Variants in CDC14A observed in about 807,000 individuals in gnomAD.
CDC14A encodes dual specificity protein phosphatase CDC14A.
In CDC14A, 53 loss-of-function variants were observed where a neutral mutation model predicts 74.4. The observed-to-expected ratio is 0.71, with a 90% CI of 0.57 to 0.89. The LOEUF (loss-of-function observed/expected upper bound fraction) is 0.89, where lower values mean the gene tolerates loss of function less well. CDC14A is among the 40% of genes least tolerant of loss of function. The pLI is 0.00. For synonymous variants in CDC14A, 247 were observed against 258.4 expected, an observed-to-expected ratio of 0.96 and a Z score of 0.43; for missense variants, 646 against 713.7, an observed-to-expected ratio of 0.91 and a Z score of 1.08.
chr1:100,479,816 G>C (rs1428339099), intron 10 of CDC14A, among the ~76,000 whole-genome samples: 1 of 152,070 alleles, frequency 6.6e-6, no homozygotes. Flanking sequence ...GTTGATACTG[G>C]AACTACTGAC....
At chr1:100,362,719 T>G (rs1652930749) in intron 2 of CDC14A, among the ~76,000 whole-genome samples, 1 of 152,248 alleles carries the variant, frequency 6.6e-6, no homozygotes, top group South Asian at 2.1e-4. Context: ...CAAAGAATTT[T>G]ATGTGGATTG....
intron 4 of CDC14A, among the ~76,000 whole-genome samples, chr1:100,410,484 C>A (rs2101036195): frequency 1.3e-5 from 2 of 149,974 alleles, no homozygotes; most frequent in Admixed American, 1.3e-4. Flanking sequence ...CCACGCCCAG[C>A]TAATTTTTGT....
At chr1:100,444,939 G>A (rs1056661239) in intron 7 of CDC14A, among the ~76,000 whole-genome samples, 6 of 152,000 alleles carry the variant, frequency 3.9e-5, no homozygotes, top group African/African-American at 1.4e-4. Context: ...AACCCAAAGA[G>A]AGTTTTTTTT....
intron 7 of CDC14A, among the ~76,000 whole-genome samples, chr1:100,450,685 C>A (rs1305925890): frequency 6.6e-6 from 1 of 152,204 alleles, no homozygotes; most frequent in Non-Finnish European, 1.5e-5. Context: ...ATCTGTTACA[C>A]CCATTGCTGG....
At chr1:100,469,424 C>T (rs1021416571) in intron 10 of CDC14A, among the ~76,000 whole-genome samples, 7 of 152,144 alleles carry the variant, frequency 4.6e-5, no homozygotes, top group African/African-American at 1.2e-4. Context: ...TCTTTTTACC[C>T]GTGAGGTACA....
chr1:100,492,577 T>C (rs545198718), intron 11 of CDC14A, among the ~76,000 whole-genome samples: 2 of 152,228 alleles, frequency 1.3e-5, no homozygotes, highest in East Asian at 3.8e-4. Flanking sequence ...ATTATTACTA[T>C]GTAAACATTG....
chr1:100,360,785 T>C (rs555777662), intron 2 of CDC14A, among the ~76,000 whole-genome samples: 1 of 152,288 alleles, frequency 6.6e-6, no homozygotes, highest in East Asian at 1.9e-4. Context: ...TATTACTCTG[T>C]TTTTTCAGTT....
chr1:100,440,745 G>A (rs1162131398), intron 6 of CDC14A, among the ~76,000 whole-genome samples: 3 of 151,978 alleles, frequency 2.0e-5, no homozygotes, highest in African/African-American at 7.3e-5. Flanking sequence ...AGCAATTCTA[G>A]TTCATTTCTT....
chr1:100,441,568 G>C (rs1390944009), intron 6 of CDC14A, among the ~76,000 whole-genome samples: 1 of 150,476 alleles, frequency 6.6e-6, no homozygotes, highest in African/African-American at 2.4e-5. Context: ...TGAAAATACA[G>C]AGGAAAAAAA....
At chr1:100,358,656 C>T (rs1201276412) in intron 2 of CDC14A, among the ~76,000 whole-genome samples, 1 of 152,122 alleles carries the variant, frequency 6.6e-6, no homozygotes, top group African/African-American at 2.4e-5. Context: ...AACTAATTAG[C>T]TAAATGGAAG....
At chr1:100,506,474 G>A (rs1649247890) in intron 15 of CDC14A, among the ~76,000 whole-genome samples, 1 of 152,164 alleles carries the variant, frequency 6.6e-6, no homozygotes, top group Non-Finnish European at 1.5e-5. Context: ...AAATTGTTAT[G>A]AGGTCAGCAT....
At chr1:100,446,275 A>G (rs976776065) in intron 7 of CDC14A, among the ~76,000 whole-genome samples, 1 of 152,198 alleles carries the variant, frequency 6.6e-6, no homozygotes, top group African/African-American at 2.4e-5. Flanking sequence ...AACAAAAAAC[A>G]AAAAAACCCC....
intron 15 of CDC14A, among the ~76,000 whole-genome samples, chr1:100,512,139 A>G (rs927417449): frequency 6.6e-6 from 1 of 151,750 alleles, no homozygotes. Context: ...AGCATTTGTG[A>G]CCCATCTAAA....
chr1:100,433,410 T>C (rs2101106190), intron 5 of CDC14A, among the ~76,000 whole-genome samples: 1 of 152,330 alleles, frequency 6.6e-6, no homozygotes, highest in South Asian at 2.1e-4. Flanking sequence ...GGGGATTCAG[T>C]TCAGTGCTTA....
At chr1:100,361,923 G>A (rs1332925895) in intron 2 of CDC14A, among the ~76,000 whole-genome samples, 1 of 152,194 alleles carries the variant, frequency 6.6e-6, no homozygotes, top group Non-Finnish European at 1.5e-5. Context: ...AGGCCAGATG[G>A]GGAGAGGCTG....
chr1:100,431,825 G>GTCCC (rs1663726034), intron 5 of CDC14A, among the ~76,000 whole-genome samples: 1 of 150,916 alleles, frequency 6.6e-6, no homozygotes, highest in East Asian at 1.9e-4. Context: ...GACAGAATGA[G>GTCCC]TCCCTGTCTC....
At chr1:100,476,550 C>T (rs974364614) in intron 10 of CDC14A, among the ~76,000 whole-genome samples, 2 of 151,778 alleles carry the variant, frequency 1.3e-5, no homozygotes, top group Non-Finnish European at 2.9e-5. Flanking sequence ...ACCACCATTT[C>T]GTTACTTAGG....
In CDC14A at chr1:100,409,714, G is replaced by A. The variant is rs563969225; in HGVS notation, c.310-14508G>A. Among the ~76,000 whole-genome samples, 6 of 152,270 alleles carry A rather than the reference G, an allele frequency of 3.9e-5. No individual in the cohort carries two copies. The South Asian group carries it at 1.2e-3, about 32-fold the overall frequency. ...ACATCCAGTCCTGCCCTTGACTCCTGTCACCAAGGTTGCAGTTGCAAGGCT... is the reference window on the plus strand; with the variant it reads ...ACATCCAGTCCTGCCCTTGACTCCTATCACCAAGGTTGCAGTTGCAAGGCT... On this transcript the variant is annotated intron_variant, in intron 4 of 15. Coordinates refer to ENST00000336454, the MANE Select transcript of CDC14A (RefSeq NM_003672.4).
At chr1:100,458,382 TC>T in intron 8 of CDC14A, among the ~76,000 whole-genome samples, 1 of 152,352 alleles carries the variant, frequency 6.6e-6, no homozygotes, top group African/African-American at 2.4e-5. Context: ...CTTTAAGATA[TC>T]GCTCTATATG....
Sources: gnomAD v4.1 joint callset for allele counts (sites outside exome capture counted in the v4.1 genomes callset) on GRCh38, gnomAD v4.1.1 for gene constraint, MANE v1.5 for transcripts, NCBI Gene and HGNC (gene_info 2026-07-23, HGNC 2026-07-21) for gene names.